Variants in CEP89 observed in about 807,000 individuals in gnomAD.
CEP89 encodes centrosomal protein of 89 kDa.
A neutral mutation model predicts 97.6 loss-of-function variants in CEP89; 95 were observed. That is an observed-to-expected ratio of 0.97 (90% CI 0.82 to 1.15). The LOEUF (loss-of-function observed/expected upper bound fraction) is 1.15, where lower values mean the gene tolerates loss of function less well. Ranked by LOEUF, CEP89 falls within the 50% of genes most tolerant of loss-of-function variation. The probability of loss-of-function intolerance (pLI) is 0.00; values close to 1 mark genes in which losing one functional copy is unlikely to be tolerated. For missense variants in CEP89, 869 were observed against 947.7 expected, an observed-to-expected ratio of 0.92 and a Z score of 1.09; for synonymous variants, 354 against 349.1, an observed-to-expected ratio of 1.01 and a Z score of -0.16.
At chr19:32,893,527 G>A (rs1029254435) in intron 16 of CEP89, among the ~76,000 whole-genome samples, 1 of 152,138 alleles carries the variant, frequency 6.6e-6, no homozygotes, top group Non-Finnish European at 1.5e-5. Flanking sequence ...TAGACAAAAT[G>A]ACCTAATAGA....
At chr19:32,882,354 G>A (rs1377448783) in intron 17 of CEP89, among the ~76,000 whole-genome samples, 1 of 152,092 alleles carries the variant, frequency 6.6e-6, no homozygotes, top group Non-Finnish European at 1.5e-5. Flanking sequence ...CTTGAGGTCA[G>A]GAGTTCAAGA....
rs572023598 is a variant in CEP89, at chr19:32,914,030, A to G, written c.1565+1307T>C. Among the ~76,000 whole-genome samples the G allele has an allele frequency of 2.0e-5, 3 of 152,296 alleles. No homozygotes were observed. In the East Asian group the frequency reaches 5.8e-4, roughly 29 times the overall value. Reference sequence around the variant, plus strand: ...TACTTAAAATATATTGTGGCCAGGCAGGCACGCCCCTGTAGTCCCAGCTAC... The same window carrying G: ...TACTTAAAATATATTGTGGCCAGGCGGGCACGCCCCTGTAGTCCCAGCTAC... On this transcript the variant is annotated intron_variant, in intron 14 of 18. Coordinates refer to ENST00000305768, the MANE Select transcript of CEP89 (RefSeq NM_032816.5).
At chr19:32,926,075 C>CTT (rs1970351423) in intron 11 of CEP89, 115 bp downstream of exon 11, 2 of 767,154 alleles carry the variant, frequency 2.6e-6, no homozygotes, top group Non-Finnish European at 4.4e-6. Flanking sequence ...CTCTAATAAA[C>CTT]ATTTGGTTAT....
In CEP89 at chr19:32,881,990, C is replaced by A; in HGVS notation, c.1989G>T (p.Leu663=). The part of the protein sequence containing the change: ...KVKGYKKQAA[L]KLGDISHRLL... ...GACGGTGACTGATGTCCCCCAGCTTCAGTGCTGCCTGCTTCTTGTAGCCCT... is the reference window on the plus strand; with the variant it reads ...GACGGTGACTGATGTCCCCCAGCTTAAGTGCTGCCTGCTTCTTGTAGCCCT... Residue 663 remains leucine (L), a synonymous_variant, in exon 18 of 19, where the codon CTG becomes CTT. Transcript: ENST00000305768. The A allele has an allele frequency of 6.3e-7, 1 of 1,579,924 alleles. No homozygotes were observed. The highest frequency in any genetic ancestry group is 1.2e-5 in the South Asian group (1 of 86,736).
chr19:32,884,757 G>A (rs139858034), intron 17 of CEP89, among the ~76,000 whole-genome samples: 283 of 152,036 alleles, frequency 1.9e-3, no homozygotes, highest in African/African-American at 6.5e-3. Flanking sequence ...TAGAGATGGG[G>A]TCTCTATGTT....
intron 5 of CEP89, among the ~76,000 whole-genome samples, chr19:32,946,494 TA>T (rs1489514840): frequency 1.8e-4 from 27 of 152,190 alleles, no homozygotes; most frequent in African/African-American, 6.0e-4. Flanking sequence ...TTTATATACA[TA>T]TACTCTCTAA....
rs1361235007 is a variant in CEP89, at chr19:32,951,567, G to GCA, written c.492+2046_492+2047dup. Among the ~76,000 whole-genome samples, 8 of 98,334 alleles carry GCA rather than the reference G, an allele frequency of 8.1e-5. No homozygotes were observed. The East Asian group carries it at 2.3e-3, about 28-fold the overall frequency. The allele number at this position is 98,334 out of a possible 152,430, so 64.5% of individuals were successfully genotyped here. ...CACACACACACACACACACACACACGCACACTACTACAGTTGTTTACTTAA... is the reference window on the plus strand; with the variant it reads ...CACACACACACACACACACACACACGCACACACTACTACAGTTGTTTACTTAA... On this transcript the variant is annotated intron_variant, in intron 4 of 18. Coordinates refer to ENST00000305768, the MANE Select transcript of CEP89 (RefSeq NM_032816.5).
chr19:32,930,804 T>G (rs1425883653), intron 9 of CEP89, among the ~76,000 whole-genome samples: 1 of 152,224 alleles, frequency 6.6e-6, no homozygotes, highest in Non-Finnish European at 1.5e-5. Flanking sequence ...TCGAAGTTAA[T>G]GCACTGACAA....
At chr19:32,935,509 G>A (rs771877153) in intron 7 of CEP89, among the ~76,000 whole-genome samples, 1 of 152,228 alleles carries the variant, frequency 6.6e-6, no homozygotes, top group African/African-American at 2.4e-5. Flanking sequence ...AGGATGGGCT[G>A]AGCCGCAGGA....
At chr19:32,942,484 T>C (rs1030530821) in intron 5 of CEP89, among the ~76,000 whole-genome samples, 2 of 152,206 alleles carry the variant, frequency 1.3e-5, no homozygotes, top group African/African-American at 4.8e-5. Flanking sequence ...ACATTAAAAA[T>C]GATCACAATA....
At chr19:32,905,693 T>C (rs1296348288) in intron 14 of CEP89, among the ~76,000 whole-genome samples, 2 of 152,172 alleles carry the variant, frequency 1.3e-5, no homozygotes, top group African/African-American at 4.8e-5. Flanking sequence ...CCTTTTATCT[T>C]TGTGAATCAT....
intron 14 of CEP89, among the ~76,000 whole-genome samples, chr19:32,909,665 A>T (rs1034476882): frequency 4.6e-5 from 7 of 152,240 alleles, no homozygotes; most frequent in African/African-American, 9.6e-5. Flanking sequence ...ACCAGAATTT[A>T]AAAAATATCA....
intron 14 of CEP89, among the ~76,000 whole-genome samples, chr19:32,908,013 T>C (rs1438295860): frequency 2.6e-5 from 4 of 152,220 alleles, no homozygotes; most frequent in Non-Finnish European, 4.4e-5. Flanking sequence ...CTGTGCAGGT[T>C]TGTAGCCTAG....
chr19:32,887,128 C>G (rs895288171), intron 17 of CEP89, among the ~76,000 whole-genome samples: 1 of 151,680 alleles, frequency 6.6e-6, no homozygotes, highest in Non-Finnish European at 1.5e-5. Flanking sequence ...GAGTTCGAGG[C>G]TGCAGTGAGC....
intron 5 of CEP89, among the ~76,000 whole-genome samples, chr19:32,945,515 C>T (rs879371755): frequency 6.6e-6 from 1 of 152,150 alleles, no homozygotes; most frequent in African/African-American, 2.4e-5. Flanking sequence ...ACCTTCATGG[C>T]CAGCTCATGT....
In CEP89 at chr19:32,879,183, C is replaced by T. The variant is rs769504661; in HGVS notation, c.2331G>A (p.Lys777=). 6.8e-6 allele frequency: 11 copies of T among 1,612,180 alleles called. No homozygotes were observed. The African/African-American group carries it at 1.3e-4, about 20-fold the overall frequency. Residue 777 remains lysine (K), a synonymous_variant, in exon 19 of 19, where the codon AAG becomes AAA. Transcript: ENST00000305768. ...GATTCTAGCAGGTGGGGGCATGAGA[C>T]TTCAGGTCATAGGAGCAGACATCGC... ...DGCDVCSYDL[K]SHAPTC
intron 14 of CEP89, among the ~76,000 whole-genome samples, chr19:32,913,412 T>C (rs148050505): frequency 1.2e-3 from 189 of 151,674 alleles, no homozygotes; most frequent in African/African-American, 4.1e-3. Flanking sequence ...CTATTACCAA[T>C]TGGCCAATTA....
chr19:32,922,734 G>C (rs1332299809), intron 12 of CEP89, among the ~76,000 whole-genome samples: 1 of 151,900 alleles, frequency 6.6e-6, no homozygotes, highest in Admixed American at 6.6e-5. Context: ...TGTAATCCCA[G>C]CTACTCAGGA....
rs771012071 is a variant in CEP89, at chr19:32,923,431, C to T, written c.1268+8G>A. The T allele has an allele frequency of 6.9e-7, 1 of 1,450,578 alleles. No individual in the cohort carries two copies. The highest frequency in any genetic ancestry group is 1.2e-5 in the South Asian group (1 of 84,194). The allele number at this position is 1,450,578 out of a possible 1,614,324, so 89.9% of individuals were successfully genotyped here. On this transcript the variant is annotated splice_region_variant and intron_variant, in intron 12 of 18. Transcript: ENST00000305768. ...TTAGCAAAAGAGCAGAAACACAATG[C>T]CACTTGCCATTCCTCACTGGTAACA...
Sources: allele counts gnomAD v4.1 joint callset (sites outside exome capture counted in the v4.1 genomes callset), GRCh38; gene constraint gnomAD v4.1.1; transcripts MANE v1.5; gene names NCBI Gene and HGNC (gene_info 2026-07-23, HGNC 2026-07-21).